KAT2B: variants seen among roughly 807,000 people sequenced by gnomAD.
KAT2B encodes lysine acetyltransferase 2B.
Under a neutral mutation model 105.9 loss-of-function variants are expected in KAT2B, and 36 were observed. The observed-to-expected ratio is 0.34, with a 90% CI of 0.26 to 0.45. KAT2B has a LOEUF of 0.45. Ranked by LOEUF, KAT2B falls within the 20% of genes least tolerant of loss-of-function variation. KAT2B has a pLI of 1.00. For missense variants in KAT2B, 820 were observed against 1,021.6 expected (o/e 0.80, Z 2.69); for synonymous variants, 397 against 377.9 (o/e 1.05, Z -0.59).
intron 12 of KAT2B, among the ~76,000 whole-genome samples, chr3:20,138,782 A>C (rs1254681762): frequency 6.6e-6 from 1 of 152,206 alleles, no homozygotes; most frequent in African/African-American, 2.4e-5. Flanking sequence ...ATATAACTAT[A>C]TTAACCTTGG....
intron 4 of KAT2B, among the ~76,000 whole-genome samples, chr3:20,100,214 GTAGTT>G (rs1698886460): frequency 6.6e-6 from 1 of 152,188 alleles, no homozygotes; most frequent in African/African-American, 2.4e-5. Context: ...AGTAGAACAT[GTAGTT>G]TGTAAGAAGA....
At chr3:20,148,098 A>G in intron 15 of KAT2B, 99 bp downstream of exon 15, 6 of 1,375,944 alleles carry the variant, frequency 4.4e-6, no homozygotes, top group South Asian at 3.6e-5. Context: ...AATCACTAAC[A>G]CAACAGTTGG....
intron 8 of KAT2B, among the ~76,000 whole-genome samples, chr3:20,121,050 C>T (rs6550351): frequency 0.45 from 67,895 of 151,532 alleles, 15,374 homozygotes; most frequent in African/African-American, 0.5. Flanking sequence ...ACCCCAGCTA[C>T]GAAATAAATA....
intron 9 of KAT2B, 104 bp downstream of exon 9, chr3:20,122,908 A>G: frequency 6.9e-7 from 1 of 1,456,938 alleles, no homozygotes. Context: ...TTAACATGTT[A>G]TGCTACCCTG....
chr3:20,045,316 C>G (rs1379396834), intron 1 of KAT2B, among the ~76,000 whole-genome samples: 1 of 132,670 alleles, frequency 7.5e-6, no homozygotes, highest in Non-Finnish European at 1.6e-5. Flanking sequence ...CTGCACCTGG[C>G]CTATTTATTT....
chr3:20,087,257 AT>A (rs1212619685), intron 2 of KAT2B, among the ~76,000 whole-genome samples: 1 of 152,206 alleles, frequency 6.6e-6, no homozygotes, highest in Non-Finnish European at 1.5e-5. Flanking sequence ...GGATATGCTA[AT>A]TACACTGATC....
chr3:20,127,413 A>T lies in KAT2B; in HGVS notation c.1623-10A>T. 6 of 1,611,492 alleles carry T rather than the reference A, an allele frequency of 3.7e-6. No homozygotes were observed. The highest frequency in any genetic ancestry group is 5.1e-6 in the Non-Finnish European group (6 of 1,177,758). On this transcript the variant is annotated splice_polypyrimidine_tract_variant and intron_variant, in intron 10 of 17. Transcript: ENST00000263754. ...ATAGGTAAAACTTTGACATAATCTT[A>T]TTCTTTCAGGAAACACAAAACCCTT...
At chr3:20,109,631 C>T (rs996027828) in intron 5 of KAT2B, among the ~76,000 whole-genome samples, 8 of 152,088 alleles carry the variant, frequency 5.3e-5, no homozygotes, top group African/African-American at 1.9e-4. Flanking sequence ...CCAGCCCATT[C>T]TTTTAACTTA....
intron 1 of KAT2B, among the ~76,000 whole-genome samples, chr3:20,044,114 G>T (rs901526066): frequency 3.3e-5 from 5 of 151,792 alleles, no homozygotes; most frequent in African/African-American, 9.7e-5. Context: ...AACTTGTTTC[G>T]CAGGATCCAG....
intron 5 of KAT2B, among the ~76,000 whole-genome samples, chr3:20,109,496 T>C (rs1348597456): frequency 6.6e-6 from 1 of 152,130 alleles, no homozygotes; most frequent in African/African-American, 2.4e-5. Flanking sequence ...TTTAAACTTT[T>C]TGTAGAGATG....
chr3:20,149,399 G>A (rs1304183337), intron 17 of KAT2B, among the ~76,000 whole-genome samples: 1 of 150,572 alleles, frequency 6.6e-6, no homozygotes, highest in African/African-American at 2.5e-5. Flanking sequence ...GGGAGGCTGA[G>A]GTTGGAGGAT....
At chr3:20,131,257 C>G (rs944531991) in intron 11 of KAT2B, among the ~76,000 whole-genome samples, 29 of 151,940 alleles carry the variant, frequency 1.9e-4, no homozygotes. Flanking sequence ...CTCAGGTGAT[C>G]GCCTGCTTCG....
intron 2 of KAT2B, among the ~76,000 whole-genome samples, chr3:20,072,784 C>A (rs1159169000): frequency 6.6e-6 from 1 of 152,076 alleles, no homozygotes; most frequent in Non-Finnish European, 1.5e-5. Flanking sequence ...GGGGTTGGGG[C>A]CTGAGGGTCT....
chr3:20,090,485 G>T (rs1267149547), intron 2 of KAT2B, among the ~76,000 whole-genome samples: 2 of 152,114 alleles, frequency 1.3e-5, no homozygotes, highest in African/African-American at 2.4e-5. Flanking sequence ...CCTTCATTCT[G>T]TTAATTTGCT....
intron 1 of KAT2B, among the ~76,000 whole-genome samples, chr3:20,061,792 A>G (rs1429650976): frequency 1.5e-5 from 2 of 132,780 alleles, no homozygotes; most frequent in Non-Finnish European, 3.2e-5. Flanking sequence ...TACATAAAAT[A>G]TATTATATAT....
intron 1 of KAT2B, among the ~76,000 whole-genome samples, chr3:20,068,628 C>A (rs1698266099): frequency 6.6e-6 from 1 of 151,990 alleles, no homozygotes; most frequent in Non-Finnish European, 1.5e-5. Context: ...CCCCGGCTAC[C>A]CCTAATGTAA....
intron 1 of KAT2B, among the ~76,000 whole-genome samples, chr3:20,062,199 AT>A (rs372590812): frequency 2.5e-5 from 1 of 39,808 alleles, no homozygotes; most frequent in Non-Finnish European, 4.7e-5. Flanking sequence ...AAATATATAT[AT>A]TTTATATAAA....
chr3:20,078,877 CT>C (rs200121446), intron 2 of KAT2B, among the ~76,000 whole-genome samples: 177 of 133,684 alleles, frequency 1.3e-3, no homozygotes, highest in Admixed American at 1.5e-3. Flanking sequence ...ACTCCCAGAG[CT>C]TTTTTTTTTT....
At chr3:20,061,562 C>T (rs1242992858) in intron 1 of KAT2B, among the ~76,000 whole-genome samples, 1 of 151,784 alleles carries the variant, frequency 6.6e-6, no homozygotes, top group African/African-American at 2.4e-5. Context: ...ATACTGTTTT[C>T]CATAGCAGCC....
Sources: allele counts gnomAD v4.1 joint callset (sites outside exome capture counted in the v4.1 genomes callset), GRCh38; gene constraint gnomAD v4.1.1; transcripts MANE v1.5; gene names NCBI Gene and HGNC (gene_info 2026-07-23, HGNC 2026-07-21).